MED13L: variants seen among roughly 807,000 people sequenced by gnomAD.
MED13L encodes the protein mediator complex subunit 13L.
A neutral mutation model predicts 220.9 loss-of-function variants in MED13L; 7 were observed. The observed-to-expected ratio is 0.03, with a 90% confidence interval of 0.02 to 0.06. The LOEUF (loss-of-function observed/expected upper bound fraction) is 0.06. Among genes scored for constraint, MED13L ranks in the 10% least tolerant of loss-of-function variants. The pLI is 1.00. For missense variants in MED13L, 1,965 were observed against 2,760.5 expected (o/e 0.71, Z 6.46); for synonymous variants, 1,011 against 1,015.2 (o/e 1.00, Z 0.08).
rs1878439860 is a variant in MED13L at position 115,996,875 on chromosome 12, C to A, written c.2790+135G>T. The A allele has an allele frequency of 2.8e-6, 3 of 1,072,066 alleles. No homozygotes were observed. The East Asian group carries it at 7.2e-5, about 26-fold the overall frequency. The allele number at this position is 1,072,066 out of a possible 1,614,324, so 66.4% of individuals were successfully genotyped here. On this transcript the variant is annotated intron_variant, in intron 15 of 30. Transcript: ENST00000281928. ...ACTATTTAATATGCCTGCTGGTGTG[C>A]CTCATGTTCTAATTAAAAGGATTCT...
intron 1 of MED13L, among the ~76,000 whole-genome samples, chr12:116,261,878 C>T (rs145345273): frequency 8.0e-4 from 122 of 152,300 alleles, no homozygotes; most frequent in African/African-American, 2.6e-3. Flanking sequence ...ACTGGCCCTG[C>T]GTTATTTCTC....
At chr12:116,058,750 A>G (rs1401360332) in intron 4 of MED13L, among the ~76,000 whole-genome samples, 1 of 152,228 alleles carries the variant, frequency 6.6e-6, no homozygotes, top group East Asian at 1.9e-4. Context: ...CAACAACAGC[A>G]TAGTAGAGTA....
chr12:116,128,457 C>T (rs1435352548), intron 2 of MED13L, among the ~76,000 whole-genome samples: 1 of 146,972 alleles, frequency 6.8e-6, no homozygotes, highest in Non-Finnish European at 1.5e-5. Context: ...AAAAAAAAAA[C>T]AAGAAAATAA....
chr12:116,225,328 T>C lies in MED13L; in HGVS notation c.310+12140A>G, dbSNP rs77293272. On this transcript the variant is annotated intron_variant, in intron 2 of 30. Coordinates refer to ENST00000281928, the MANE Select transcript of MED13L (RefSeq NM_015335.5). ...AATCTGTTTCAGGGCTCCAACTGAG[T>C]TCTAGTTAATAAAGCCTTTACCATA... 4.2e-3 allele frequency among the ~76,000 whole-genome samples: 647 copies of C among 152,246 alleles called. 28 individuals carry two copies. In the East Asian group the frequency reaches 0.11, roughly 25 times the overall value.
chr12:116,141,204 A>G (rs1257821284), intron 2 of MED13L, among the ~76,000 whole-genome samples: 3 of 152,234 alleles, frequency 2.0e-5, no homozygotes, highest in African/African-American at 7.2e-5. Flanking sequence ...AGGCAATTAA[A>G]TAAGCCACAA....
At chr12:116,138,977 A>G (rs1342661556) in intron 2 of MED13L, among the ~76,000 whole-genome samples, 1 of 152,220 alleles carries the variant, frequency 6.6e-6, no homozygotes, top group Non-Finnish European at 1.5e-5. Context: ...TGGTTAATGA[A>G]GGACACCATG....
intron 1 of MED13L, among the ~76,000 whole-genome samples, chr12:116,253,393 T>G (rs1871742806): frequency 1.3e-5 from 2 of 151,548 alleles, no homozygotes; most frequent in African/African-American, 4.9e-5. Flanking sequence ...AAAATATCAC[T>G]AGTCCTGCAC....
At chr12:116,098,284 A>T (rs980795044) in intron 3 of MED13L, among the ~76,000 whole-genome samples, 7 of 151,898 alleles carry the variant, frequency 4.6e-5, no homozygotes, top group Non-Finnish European at 8.8e-5. Flanking sequence ...AAACAAAAAC[A>T]TAAAAATGTG....
intron 4 of MED13L, among the ~76,000 whole-genome samples, chr12:116,026,806 T>C (rs1409215045): frequency 6.6e-6 from 1 of 152,204 alleles, no homozygotes; most frequent in Non-Finnish European, 1.5e-5. Flanking sequence ...TATAAAACTA[T>C]GGTATAGAGT....
chr12:115,996,398 A>G, intron 16 of MED13L, 78 bp downstream of exon 16: 6 of 1,530,036 alleles, frequency 3.9e-6, no homozygotes, highest in Non-Finnish European at 5.4e-6. Context: ...GGACCTTGTC[A>G]TCATTTTTAA....
Position 116,237,547 on chromosome 12 carries a change from T to C in MED13L, c.231A>G (p.Lys77=), listed in dbSNP as rs1238621566. 2 of 1,614,078 alleles carry C rather than the reference T, an allele frequency of 1.2e-6. No individual in the cohort carries two copies. Among genetic ancestry groups the C allele is most frequent in the Admixed American group, 1.7e-5 (1 of 59,998 alleles). The change falls in exon 2 of 31, where the codon AAA becomes AAG. Residue 77 remains lysine, a synonymous_variant. Transcript: ENST00000281928. ...ATATCCATAACTCTTTGCAATCTGG[T>C]TTGACATCACGACGCCATACACAAA... ...NLLCVWRRDV[K]PDCKELWIFW...
intron 16 of MED13L, among the ~76,000 whole-genome samples, chr12:115,994,864 G>T (rs912182214): frequency 6.6e-6 from 1 of 152,206 alleles, no homozygotes; most frequent in African/African-American, 2.4e-5. Context: ...TACTGCTGGT[G>T]CATTGTTATT....
chr12:115,972,400 C>A, intron 25 of MED13L, 164 bp from the exon 26 acceptor site: 1 of 783,294 alleles, frequency 1.3e-6, no homozygotes, highest in Non-Finnish European at 2.1e-6. Flanking sequence ...GAATGTTACT[C>A]GACTTCTATT....
intron 1 of MED13L, among the ~76,000 whole-genome samples, chr12:116,242,416 T>TA (rs1870744002): frequency 6.6e-6 from 1 of 152,216 alleles, no homozygotes; most frequent in African/African-American, 2.4e-5. Context: ...TTCAAAATTT[T>TA]AAAGCAAACC....
At chr12:116,164,519 T>C (rs1376528538) in intron 2 of MED13L, among the ~76,000 whole-genome samples, 1 of 152,222 alleles carries the variant, frequency 6.6e-6, no homozygotes, top group Non-Finnish European at 1.5e-5. Context: ...CATGAGCTGC[T>C]ACATTTAAAA....
intron 1 of MED13L, among the ~76,000 whole-genome samples, chr12:116,245,247 C>T (rs1325880545): frequency 6.6e-6 from 1 of 152,128 alleles, no homozygotes; most frequent in Non-Finnish European, 1.5e-5. Context: ...CAGTCTTCAT[C>T]CCTCAGAAAG....
At chr12:116,150,686 T>C (rs908800902) in intron 2 of MED13L, among the ~76,000 whole-genome samples, 1 of 152,218 alleles carries the variant, frequency 6.6e-6, no homozygotes, top group Admixed American at 6.5e-5. Flanking sequence ...ATTTCCTCAT[T>C]CTTATTATTA....
intron 2 of MED13L, among the ~76,000 whole-genome samples, chr12:116,139,716 C>T (rs1876890117): frequency 6.6e-6 from 1 of 151,880 alleles, no homozygotes; most frequent in Admixed American, 6.6e-5. Flanking sequence ...CTGGATAGGC[C>T]GCGTGTGGTG....
chr12:116,152,873 CAGG>C (rs1481655003), intron 2 of MED13L, among the ~76,000 whole-genome samples: 1 of 151,442 alleles, frequency 6.6e-6, no homozygotes, highest in East Asian at 1.9e-4. Flanking sequence ...GAAATGTAAA[CAGG>C]AGTTCAGTAT....
Sources: gnomAD v4.1 joint callset for allele counts (sites outside exome capture counted in the v4.1 genomes callset) on GRCh38, gnomAD v4.1.1 for gene constraint, MANE v1.5 for transcripts, NCBI Gene and HGNC (gene_info 2026-07-23, HGNC 2026-07-21) for gene names.